CNTN6: variants seen among roughly 807,000 people sequenced by gnomAD.
CNTN6 encodes the protein contactin-6.
A neutral mutation model predicts 122.8 loss-of-function variants in CNTN6; 137 were observed. The observed-to-expected ratio is 1.12, with a 90% CI of 0.97 to 1.29. The LOEUF is 1.29. CNTN6 is among the 50% of genes most tolerant of loss of function. The pLI is 0.00. For synonymous variants in CNTN6, 570 were observed against 426.0 expected (o/e 1.34, Z -4.16); for missense variants, 1,634 against 1,223.4 (o/e 1.34, Z -5.01).
At chr3:1,124,922 G>A (rs933375650) in intron 1 of CNTN6, among the ~76,000 whole-genome samples, 1 of 151,898 alleles carries the variant, frequency 6.6e-6, no homozygotes, top group Non-Finnish European at 1.5e-5. Flanking sequence ...AGGTCTGGGA[G>A]GGTCGTATTA....
intron 11 of CNTN6, among the ~76,000 whole-genome samples, chr3:1,345,082 C>T (rs1704467687): frequency 6.6e-6 from 1 of 151,374 alleles, no homozygotes; most frequent in Admixed American, 6.6e-5. Context: ...ACAGGGGTAT[C>T]AGATGTTCTC....
chr3:1,239,417 C>G lies in CNTN6; in HGVS notation c.358+11424C>G, dbSNP rs62229424. On this transcript the variant is annotated intron_variant, in intron 4 of 22. Transcript: ENST00000446702. ...CAAATCAAGAACTCCACCCCTTTCA[C>G]AATATCTGCAAAAACAAACAAACAA... Among the ~76,000 whole-genome samples, 1,067 of 146,194 alleles carry G rather than the reference C, an allele frequency of 7.3e-3. 5 individuals carry two copies. The highest frequency in any genetic ancestry group is 0.036 in the South Asian group (152 of 4,254).
At chr3:1,191,841 G>A (rs1009515130) in intron 2 of CNTN6, among the ~76,000 whole-genome samples, 6 of 152,152 alleles carry the variant, frequency 3.9e-5, no homozygotes, top group Non-Finnish European at 7.3e-5. Context: ...GAGAACTGGA[G>A]AATTACTTGC....
chr3:1,190,507 C>A (rs2125382579), intron 2 of CNTN6, among the ~76,000 whole-genome samples: 1 of 152,234 alleles, frequency 6.6e-6, no homozygotes, highest in Non-Finnish European at 1.5e-5. Context: ...AGGAAATATA[C>A]ATGGTTGAGT....
chr3:1,261,020 A>G (rs992722393), intron 4 of CNTN6, among the ~76,000 whole-genome samples: 1 of 152,192 alleles, frequency 6.6e-6, no homozygotes, highest in East Asian at 1.9e-4. Context: ...AATGTGAAGT[A>G]TCAGAGAACT....
At chr3:1,135,412 G>A (rs576296643) in intron 1 of CNTN6, among the ~76,000 whole-genome samples, 39 of 152,218 alleles carry the variant, frequency 2.6e-4, no homozygotes, top group South Asian at 2.5e-3. Flanking sequence ...GGTGGGGACC[G>A]TGAACCTTAG....
At chr3:1,309,301 A>T (rs1239425388) in intron 7 of CNTN6, among the ~76,000 whole-genome samples, 1 of 152,152 alleles carries the variant, frequency 6.6e-6, no homozygotes, top group Non-Finnish European at 1.5e-5. Context: ...ATTTTGCATT[A>T]ATTTTTGTGA....
At chr3:1,148,151 C>T in intron 2 of CNTN6, 88 bp downstream of exon 2, 3 of 966,370 alleles carry the variant, frequency 3.1e-6, no homozygotes, top group East Asian at 2.4e-5. Flanking sequence ...TCAAAATGCA[C>T]AATTTGTATG....
intron 1 of CNTN6, among the ~76,000 whole-genome samples, chr3:1,133,714 G>A (rs1190737083): frequency 2.6e-5 from 4 of 152,170 alleles, no homozygotes; most frequent in Admixed American, 2.6e-4. Flanking sequence ...TGAGCTCAGG[G>A]CCATGCAAGA....
chr3:1,119,386 G>C (rs1199874933), intron 1 of CNTN6, among the ~76,000 whole-genome samples: 2 of 119,900 alleles, frequency 1.7e-5, no homozygotes, highest in African/African-American at 6.4e-5. Context: ...TAAACTCTTC[G>C]AGCTTTGACA....
intron 4 of CNTN6, among the ~76,000 whole-genome samples, chr3:1,250,146 T>C (rs569326993): frequency 5.9e-5 from 9 of 152,348 alleles, no homozygotes; most frequent in African/African-American, 2.2e-4. Flanking sequence ...CTTATATGTG[T>C]CCAGTAAGCC....
At chr3:1,333,689 G>A (rs1702641953) in intron 11 of CNTN6, among the ~76,000 whole-genome samples, 1 of 152,008 alleles carries the variant, frequency 6.6e-6, no homozygotes. Flanking sequence ...ATGGTTGAGA[G>A]GGCTCTAAAG....
intron 2 of CNTN6, among the ~76,000 whole-genome samples, chr3:1,208,597 C>T (rs997163100): frequency 1.3e-5 from 2 of 151,934 alleles, no homozygotes; most frequent in East Asian, 1.9e-4. Context: ...ATTGGCTTCC[C>T]TTTCTGGAGT....
At chr3:1,289,969 CGG>C (rs1695040384) in intron 5 of CNTN6, among the ~76,000 whole-genome samples, 1 of 152,088 alleles carries the variant, frequency 6.6e-6, no homozygotes, top group Non-Finnish European at 1.5e-5. Flanking sequence ...CCAATGCGCC[CGG>C]CGAGTTTTAT....
chr3:1,221,726 G>A (rs1005465598), intron 3 of CNTN6, among the ~76,000 whole-genome samples: 2 of 152,136 alleles, frequency 1.3e-5, no homozygotes, highest in Non-Finnish European at 2.9e-5. Context: ...ATATTCATAG[G>A]TAAATACTAC....
At chr3:1,215,927 A>G (rs115488172) in intron 2 of CNTN6, among the ~76,000 whole-genome samples, 1,747 of 152,226 alleles carry the variant, frequency 0.011, 13 homozygotes, top group Middle Eastern at 0.037. Context: ...GGGGCCAAGG[A>G]AAGTTCAGCC....
intron 5 of CNTN6, among the ~76,000 whole-genome samples, chr3:1,281,610 A>G (rs1693454318): frequency 6.6e-6 from 1 of 152,022 alleles, no homozygotes; most frequent in East Asian, 1.9e-4. Context: ...AACCACAGGC[A>G]CGTGCCACCA....
chr3:1,150,590 G>C (rs2092818658), intron 2 of CNTN6, among the ~76,000 whole-genome samples: 1 of 152,022 alleles, frequency 6.6e-6, no homozygotes, highest in Non-Finnish European at 1.5e-5. Context: ...AAGTTTAATT[G>C]TTCTATTTTA....
At chr3:1,189,572 A>T (rs2093672354) in intron 2 of CNTN6, among the ~76,000 whole-genome samples, 1 of 152,206 alleles carries the variant, frequency 6.6e-6, no homozygotes, top group Non-Finnish European at 1.5e-5. Flanking sequence ...ATAAAGGGAT[A>T]TATGAAATAA....
Sources: gnomAD v4.1 joint callset for allele counts (sites outside exome capture counted in the v4.1 genomes callset) on GRCh38, gnomAD v4.1.1 for gene constraint, MANE v1.5 for transcripts, NCBI Gene and HGNC (gene_info 2026-07-23, HGNC 2026-07-21) for gene names.